Variants in RFX3 observed in about 807,000 individuals in gnomAD.
RFX3 encodes regulatory factor X3, also known as transcription factor RFX3.
RFX3 carries 14 observed loss-of-function variants against 98.6 expected under a neutral mutation model. That is an observed-to-expected ratio of 0.14 (90% confidence interval 0.09 to 0.22). RFX3 has a LOEUF of 0.22. RFX3 is among the 10% of genes least tolerant of loss of function. The pLI, the probability that RFX3 is intolerant of heterozygous loss-of-function variation, is 1.00. For synonymous variants in RFX3, 383 were observed against 328.4 expected (o/e 1.17, Z -1.80); for missense variants, 639 against 926.9 (o/e 0.69, Z 4.03).
At chr9:3,468,836 A>G (rs1008266595) in intron 1 of RFX3, among the ~76,000 whole-genome samples, 6 of 151,502 alleles carry the variant, frequency 4.0e-5, no homozygotes, top group Admixed American at 2.6e-4. Flanking sequence ...AAAAAAGAAA[A>G]AAGAAAAAAA....
At chr9:3,502,962 A>C in intron 1 of RFX3, among the ~76,000 whole-genome samples, 1 of 152,226 alleles carries the variant, frequency 6.6e-6, no homozygotes, top group Admixed American at 6.5e-5. Flanking sequence ...TCTATGCTGT[A>C]ATATGCTTAG....
intron 2 of RFX3, among the ~76,000 whole-genome samples, chr9:3,381,354 A>T (rs1839175161): frequency 6.6e-6 from 1 of 152,140 alleles, no homozygotes; most frequent in Non-Finnish European, 1.5e-5. Flanking sequence ...AAAGATTATT[A>T]CTGGGATCTG....
chr9:3,236,820 T>A (rs1458387501), intron 15 of RFX3, among the ~76,000 whole-genome samples: 1 of 152,246 alleles, frequency 6.6e-6, no homozygotes, highest in Non-Finnish European at 1.5e-5. Flanking sequence ...GGAGACCAGT[T>A]CTGCCAGCAA....
At chr9:3,411,659 T>TGTG (rs199753904) in intron 1 of RFX3, among the ~76,000 whole-genome samples, 1 of 137,552 alleles carries the variant, frequency 7.3e-6, no homozygotes, top group African/African-American at 2.7e-5. Flanking sequence ...TGTGTGTGTG[T>TGTG]TTTTTTTTTT....
chr9:3,244,160 G>A lies in RFX3; in HGVS notation c.1968+3872C>T, dbSNP rs757817612. 4.0e-5 allele frequency among the ~76,000 whole-genome samples: 6 copies of A among 151,642 alleles called. No individual in the cohort carries two copies. The East Asian group carries it at 5.8e-4, about 15-fold the overall frequency. ...TGGGACTACAGGCACATGCCACCAC[G>A]CCCGCCTAATTTTTTTTGTATTTTT... On this transcript the variant is annotated intron_variant, in intron 15 of 16. Transcript: ENST00000617270.
At chr9:3,323,776 A>G (rs1242226989) in intron 4 of RFX3, among the ~76,000 whole-genome samples, 1 of 152,146 alleles carries the variant, frequency 6.6e-6, no homozygotes, top group African/African-American at 2.4e-5. Flanking sequence ...TGCTCAGGAG[A>G]GAATGAAGGA....
chr9:3,515,401 T>C (rs1172563889), intron 1 of RFX3, among the ~76,000 whole-genome samples: 3 of 152,142 alleles, frequency 2.0e-5, no homozygotes, highest in Non-Finnish European at 4.4e-5. Context: ...CTGCACAATA[T>C]TACAGTAGGT....
intron 1 of RFX3, among the ~76,000 whole-genome samples, chr9:3,426,696 C>T (rs1013262241): frequency 1.3e-5 from 2 of 152,152 alleles, no homozygotes; most frequent in African/African-American, 2.4e-5. Flanking sequence ...ATCTAGGTTG[C>T]ATGTTTCTTA....
At position 3,338,112 on chromosome 9, in the gene RFX3, C is replaced by T. The variant is rs561895087; in HGVS notation, c.216-7595G>A. On this transcript the variant is annotated intron_variant, in intron 3 of 16. Coordinates refer to ENST00000617270, the MANE Select transcript of RFX3 (RefSeq NM_001282116.2). ...GGAAGACACCAAAAGGAAAACAGTA[C>T]TTCAGAAAGGAATTCAAGTGACCTG... Among the ~76,000 whole-genome samples the T allele has an allele frequency of 2.4e-3, 359 of 152,248 alleles. 2 individuals are homozygous for T. Among genetic ancestry groups the T allele is most frequent in the South Asian group, 7.5e-3 (36 of 4,828 alleles).
intron 3 of RFX3, among the ~76,000 whole-genome samples, chr9:3,338,734 C>T (rs1014449910): frequency 6.6e-6 from 1 of 152,102 alleles, no homozygotes; most frequent in Admixed American, 6.6e-5. Flanking sequence ...AACCATTGTA[C>T]TAGTTGATAC....
At chr9:3,382,190 C>T (rs1471619734) in intron 2 of RFX3, among the ~76,000 whole-genome samples, 1 of 152,138 alleles carries the variant, frequency 6.6e-6, no homozygotes, top group African/African-American at 2.4e-5. Flanking sequence ...TGCCACCACA[C>T]TTGGCCTGAG....
intron 1 of RFX3, among the ~76,000 whole-genome samples, chr9:3,470,431 T>C (rs1036090007): frequency 2.6e-5 from 4 of 151,616 alleles, no homozygotes; most frequent in Admixed American, 6.6e-5. Context: ...TCTCCTGCCT[T>C]AGCCTCCCGA....
At chr9:3,379,383 G>C (rs976663501) in intron 2 of RFX3, among the ~76,000 whole-genome samples, 7 of 151,934 alleles carry the variant, frequency 4.6e-5, no homozygotes, top group African/African-American at 1.7e-4. Flanking sequence ...TATAAACAAT[G>C]ACAGTGTGGG....
intron 2 of RFX3, among the ~76,000 whole-genome samples, chr9:3,380,041 C>T (rs1452610108): frequency 2.6e-5 from 4 of 152,032 alleles, no homozygotes; most frequent in African/African-American, 7.2e-5. Flanking sequence ...ATTCTCCTGC[C>T]TCCGCGTCCC....
chr9:3,424,133 G>C (rs919756535), intron 1 of RFX3, among the ~76,000 whole-genome samples: 154 of 150,132 alleles, frequency 1.0e-3, no homozygotes, highest in Admixed American at 1.7e-3. Context: ...GGCGACAGAG[G>C]GAGACTCCTT....
chr9:3,380,108 T>C (rs1564015661), intron 2 of RFX3, among the ~76,000 whole-genome samples: 2 of 151,810 alleles, frequency 1.3e-5, no homozygotes. Context: ...TTGTATTTAG[T>C]AGAGATGAGG....
chr9:3,362,009 A>C (rs1286097265), intron 2 of RFX3, among the ~76,000 whole-genome samples: 1 of 152,198 alleles, frequency 6.6e-6, no homozygotes, highest in African/African-American at 2.4e-5. Flanking sequence ...GCCAAAAACA[A>C]GTTCTACAAG....
chr9:3,317,711 G>T (rs1001832119), intron 4 of RFX3, among the ~76,000 whole-genome samples: 8 of 152,080 alleles, frequency 5.3e-5, no homozygotes, highest in African/African-American at 1.9e-4. Flanking sequence ...GTGGGCAAAG[G>T]ATATGAACAG....
At chr9:3,306,390 A>T (rs1829315959) in intron 4 of RFX3, among the ~76,000 whole-genome samples, 1 of 152,016 alleles carries the variant, frequency 6.6e-6, no homozygotes, top group African/African-American at 2.4e-5. Context: ...TGTGCTGCTG[A>T]TAGTGGGAAA....
Sources: allele counts gnomAD v4.1 joint callset (sites outside exome capture counted in the v4.1 genomes callset), GRCh38; gene constraint gnomAD v4.1.1; transcripts MANE v1.5; gene names NCBI Gene and HGNC (gene_info 2026-07-23, HGNC 2026-07-21).